The following EFCC1 variants were observed in gnomAD, a reference collection of about 807,000 sequenced individuals.
The protein encoded by EFCC1 is EF-hand and coiled-coil domain containing 1, also known as EF-hand and coiled-coil domain-containing protein 1.
EFCC1 carries 50 observed loss-of-function variants against 52.1 expected under a neutral mutation model. The observed-to-expected ratio is 0.96, with a 90% CI of 0.76 to 1.21. EFCC1 has a LOEUF of 1.21. Ranked by LOEUF, EFCC1 falls within the 50% of genes most tolerant of loss-of-function variation. The pLI is 0.00. For synonymous variants in EFCC1, 399 were observed against 396.5 expected (o/e 1.01, Z -0.08); for missense variants, 837 against 867.3 (o/e 0.97, Z 0.44).
At chr3:129,017,012 A>G (rs1470341018) in intron 2 of EFCC1, among the ~76,000 whole-genome samples, 1 of 152,022 alleles carries the variant, frequency 6.6e-6, no homozygotes, top group African/African-American at 2.4e-5. Context: ...TTCATCTTCC[A>G]CTCTGTTTTC....
rs545341285 is a variant in EFCC1 at position 129,010,682 on chromosome 3, G to A, written c.980+6605G>A. Among the ~76,000 whole-genome samples, 232 of 152,322 alleles carry A rather than the reference G, an allele frequency of 1.5e-3. 4 individuals carry two copies. The highest frequency in any genetic ancestry group is 3.4e-3 in the Middle Eastern group (1 of 294). On this transcript the variant is annotated intron_variant, in intron 2 of 7. Transcript: ENST00000683648. This position sits in a 1 kb window ranked among gnomAD's most constrained non-coding sequence, Gnocchi z 4.3. ...TCAGCGGGTCCAGGGTGGGAGGGAG[G>A]CAGATGAGTGGGGGCGAGCAGAGGG...
At chr3:129,006,180 C>A (rs1448659158) in intron 2 of EFCC1, among the ~76,000 whole-genome samples, 1 of 152,270 alleles carries the variant, frequency 6.6e-6, no homozygotes, top group African/African-American at 2.4e-5. Context: ...CCTGGCCCCA[C>A]TGCCTGTGTG....
At position 129,038,895 on chromosome 3, in the gene EFCC1, C is replaced by T; in HGVS notation, c.1658C>T (p.Thr553Ile). The T allele has an allele frequency of 6.2e-7, 1 of 1,613,890 alleles. No homozygotes were observed. The highest frequency in any genetic ancestry group is 8.5e-7 in the Non-Finnish European group (1 of 1,179,994). Residue 553 changes from threonine (T) to isoleucine (I), a missense_variant, in exon 7 of 8, where the codon ACC becomes ATC. By Grantham distance (89) the Thr-to-Ile change is moderately conservative (BLOSUM62 -1). Transcript: ENST00000683648. ...ACGCTGGACGCTTTCAGGGACCCCA[C>T]CCACGGTAGGAGAGCACCCTAGTCT... is the stretch of plus-strand genomic sequence containing the variant. ...LSTLDAFRDP[T>I]HEGRPSPAAI... is the part of the protein sequence containing the mutation.
chr3:129,008,413 T>C (rs975408634), intron 2 of EFCC1, among the ~76,000 whole-genome samples: 7 of 152,236 alleles, frequency 4.6e-5, no homozygotes, highest in African/African-American at 1.7e-4. Context: ...CTCTATATTC[T>C]TTTAAATAGT....
intron 5 of EFCC1, among the ~76,000 whole-genome samples, chr3:129,035,267 G>A (rs987256314): frequency 2.0e-5 from 3 of 152,122 alleles, no homozygotes; most frequent in East Asian, 1.9e-4. Context: ...TGAACCACAC[G>A]CTCGGTGCTG....
At chr3:129,019,246 T>C (rs1249522285) in intron 2 of EFCC1, among the ~76,000 whole-genome samples, 1 of 152,200 alleles carries the variant, frequency 6.6e-6, no homozygotes, top group Non-Finnish European at 1.5e-5. Context: ...GGATATTCTT[T>C]TGTTTTAATT....
At chr3:129,018,821 AT>A (rs1411755153) in intron 2 of EFCC1, among the ~76,000 whole-genome samples, 3 of 152,120 alleles carry the variant, frequency 2.0e-5, no homozygotes, top group African/African-American at 7.2e-5. Flanking sequence ...TTTGCACCCC[AT>A]TGGCGGCGTT....
chr3:129,003,966 AGGTGGTGCT>A lies in EFCC1; in HGVS notation c.871_879del (p.Val291_Leu293del), dbSNP rs762331086. 1 of 1,451,364 alleles carries A rather than the reference AGGTGGTGCT, an allele frequency of 6.9e-7. No homozygotes were observed. Among genetic ancestry groups the A allele is most frequent in the South Asian group, 1.3e-5 (1 of 75,122 alleles). 89.9% of individuals were successfully genotyped at this position (1,451,364 alleles called of 1,614,324 possible). A position where few individuals can be genotyped will look rare whatever the true frequency, so the allele number is the denominator to read the frequency against. On this transcript the variant is annotated inframe_deletion, in exon 2 of 8. Transcript: ENST00000683648. ...CGGCGGCGCGCGGAGGAGGCCCGGC[AGGTGGTGCT>A]GCGCAGCCTGCACCGCGTGCGAGAG...
Position 129,040,061 on chromosome 3 carries a change from C to T in EFCC1, c.*213C>T, listed in dbSNP as rs1242049783. On this transcript the variant is annotated 3_prime_UTR_variant, in exon 8 of 8. Transcript: ENST00000683648. The surrounding 1 kb of genome is among the most constrained non-coding windows in gnomAD (Gnocchi z 4.4). Reference sequence around the variant, plus strand: ...TTCCTCGGGCTCCTCCACATTACCTCGCAGCCCCTGCATTCCTGCCACCAG... The same window carrying T: ...TTCCTCGGGCTCCTCCACATTACCTTGCAGCCCCTGCATTCCTGCCACCAG... 1.3e-5 allele frequency: 7 copies of T among 525,660 alleles called. No individual in the cohort carries two copies. Among genetic ancestry groups the T allele is most frequent in the African/African-American group, 3.9e-5 (2 of 50,980 alleles). The allele number at this position is 525,660 out of a possible 1,614,324, so 32.6% of individuals were successfully genotyped here.
At chr3:129,012,929 C>T (rs1464267092) in intron 2 of EFCC1, among the ~76,000 whole-genome samples, 4 of 152,058 alleles carry the variant, frequency 2.6e-5, no homozygotes, top group South Asian at 2.1e-4. Context: ...AAGGGCCTGG[C>T]GCATGGATGG....
chr3:129,002,176 G>C lies in EFCC1; in HGVS notation c.548G>C (p.Arg183Pro). 6.8e-7 allele frequency: 1 copy of C among 1,479,530 alleles called. No individual in the cohort carries two copies. The allele number at this position is 1,479,530 out of a possible 1,614,324, so 91.7% of individuals were successfully genotyped here. Residue 183 changes from arginine (R) to proline (P), a missense_variant, in exon 1 of 8, where the codon CGC becomes CCC. Transcript: ENST00000683648. Reference protein sequence around the residue: ...QIRLRRPRRRRRPPCAPGPDS... With the variant: ...QIRLRRPRRRPRPPCAPGPDS... ...CGCCTGCGCCGTCCGCGCCGCCGCC[G>C]CCGCCCGCCCTGCGCGCCTGGCCCC...
intron 4 of EFCC1, among the ~76,000 whole-genome samples, chr3:129,033,709 GCCT>G (rs1946317604): frequency 6.6e-6 from 1 of 152,234 alleles, no homozygotes; most frequent in African/African-American, 2.4e-5. Context: ...CCAGACAGTG[GCCT>G]CTTCTTCTGG....
At position 129,014,159 on chromosome 3, in the gene EFCC1, G is replaced by A. The variant is rs998645638; in HGVS notation, c.980+10082G>A. Among the ~76,000 whole-genome samples, 3 of 152,270 alleles carry A rather than the reference G, an allele frequency of 2.0e-5. No homozygotes were observed. Among genetic ancestry groups the A allele is most frequent in the African/African-American group, 7.2e-5 (3 of 41,468 alleles). On this transcript the variant is annotated intron_variant, in intron 2 of 7. Transcript: ENST00000683648. The surrounding 1 kb of genome is among the most constrained non-coding windows in gnomAD (Gnocchi z 4.3). Reference sequence around the variant, plus strand: ...TGTCAAGTGCCTAGAGAGGGCCCATGCTGTCCTGGGCATGAGGGAGGCAGC... The same window carrying A: ...TGTCAAGTGCCTAGAGAGGGCCCATACTGTCCTGGGCATGAGGGAGGCAGC...
intron 2 of EFCC1, among the ~76,000 whole-genome samples, chr3:129,005,720 G>C (rs1324252027): frequency 2.6e-5 from 4 of 152,236 alleles, no homozygotes; most frequent in Non-Finnish European, 2.9e-5. Flanking sequence ...CTGGACATCT[G>C]AGAAGCTCAC....
chr3:129,014,296 T>C lies in EFCC1; in HGVS notation c.980+10219T>C, dbSNP rs1174974524. On this transcript the variant is annotated intron_variant, in intron 2 of 7. Transcript: ENST00000683648. The surrounding 1 kb of genome is among the most constrained non-coding windows in gnomAD (Gnocchi z 4.3). ...GGAGGGTCAGGGAGTGTGAGTCAGC[T>C]CGGGCTGCTGTGACAAGCCCCACAG... 6.6e-6 allele frequency among the ~76,000 whole-genome samples: 1 copy of C among 152,192 alleles called. No homozygotes were observed. Among genetic ancestry groups the C allele is most frequent in the Non-Finnish European group, 1.5e-5 (1 of 68,030 alleles).
chr3:129,032,709 G>A (rs1946295512), intron 3 of EFCC1, 110 bp from the exon 4 acceptor site: 1 of 1,433,108 alleles, frequency 7.0e-7, no homozygotes, highest in African/African-American at 1.4e-5. Context: ...CTCAAGAGGG[G>A]ACATGGCACA....
chr3:129,039,784 G>A lies in EFCC1; in HGVS notation c.1736G>A (p.Arg579Lys), dbSNP rs1559978212. ...TTGGCTGCCTGCCAGCTGTTGCGGA[G>A]ACAGCCCTCGGCACCAGCCTCTGCA... ...QALAACQLLR[R>K]QPSAPASAAA... The change falls in exon 8 of 8, where the codon AGA becomes AAA. Residue 579 changes from arginine to lysine, a missense_variant. Coordinates refer to ENST00000683648, the MANE Select transcript of EFCC1 (RefSeq NM_001377500.1). 2.5e-6 allele frequency: 4 copies of A among 1,612,402 alleles called. No individual in the cohort carries two copies. The highest frequency in any genetic ancestry group is 3.4e-6 in the Non-Finnish European group (4 of 1,179,068).
At chr3:129,032,991 C>G (rs772635921) in intron 4 of EFCC1, 25 bp downstream of exon 4, 2 of 1,503,582 alleles carry the variant, frequency 1.3e-6, no homozygotes, top group South Asian at 2.6e-5. Context: ...CAGCGTCAGC[C>G]ACTGTGGGCC....
intron 2 of EFCC1, among the ~76,000 whole-genome samples, chr3:129,013,293 G>C (rs947351310): frequency 1.3e-5 from 2 of 152,088 alleles, no homozygotes; most frequent in Non-Finnish European, 2.9e-5. Context: ...GGATGGAGAG[G>C]GTTCTATATT....
Sources: gnomAD v4.1 joint callset for allele counts (sites outside exome capture counted in the v4.1 genomes callset) on GRCh38, gnomAD v4.1.1 for gene constraint, Gnocchi (gnomAD v3.1) non-coding constraint, MANE v1.5 for transcripts, NCBI Gene and HGNC (gene_info 2026-07-23, HGNC 2026-07-21) for gene names.